The following SPECC1 variants were observed in gnomAD, a reference collection of about 807,000 sequenced individuals.
SPECC1 encodes sperm antigen with calponin homology and coiled-coil domains 1.
A neutral mutation model predicts 104.1 loss-of-function variants in SPECC1; 62 were observed. That is an observed-to-expected ratio of 0.60 (90% CI 0.49 to 0.74). The LOEUF (loss-of-function observed/expected upper bound fraction) is 0.74, where lower values mean the gene tolerates loss of function less well. Ranked by LOEUF, SPECC1 falls within the 30% of genes least tolerant of loss-of-function variation. The probability of loss-of-function intolerance (pLI) is 0.00; values close to 1 mark genes in which losing one functional copy is unlikely to be tolerated. For synonymous variants in SPECC1, 513 were observed against 501.6 expected (o/e 1.02, Z -0.30); for missense variants, 1,306 against 1,310.5 (o/e 1.00, Z 0.05).
chr17:20,204,783 A>C lies in SPECC1; in HGVS notation c.734A>C (p.Glu245Ala), dbSNP rs758621562. Residue 245 changes from glutamate (E) to alanine (A), a missense_variant, in exon 4 of 15, where the codon GAA becomes GCA. Transcript: ENST00000395527. ...NFQKELSDLE[E>A]ENRVLKEKLI... ...CAGAAAGAGCTTTCCGATCTAGAGG[A>C]AGAAAACCGGGTCCTGAAGGAGAAA... 6.2e-7 allele frequency: 1 copy of C among 1,614,102 alleles called. No homozygotes were observed. The highest frequency in any genetic ancestry group is 1.1e-5 in the South Asian group (1 of 91,070).
chr17:20,030,831 C>T (rs1263857267), intron 1 of SPECC1, among the ~76,000 whole-genome samples: 1 of 152,104 alleles, frequency 6.6e-6, no homozygotes, highest in African/African-American at 2.4e-5. Context: ...TCCTGCCCCC[C>T]AGCCCTTTTT....
intron 7 of SPECC1, among the ~76,000 whole-genome samples, chr17:20,234,718 G>T (rs2038803852): frequency 6.6e-6 from 1 of 152,226 alleles, no homozygotes; most frequent in South Asian, 2.1e-4. Flanking sequence ...CCTGGATCCA[G>T]ACATGAGATT....
At chr17:20,292,346 G>C (rs7224558) in intron 12 of SPECC1, among the ~76,000 whole-genome samples, 39 of 151,788 alleles carry the variant, frequency 2.6e-4, no homozygotes, top group African/African-American at 8.7e-4. Context: ...TTTTTTTTGG[G>C]GGGGGGACGG....
At chr17:20,188,166 CTT>C in intron 3 of SPECC1, among the ~76,000 whole-genome samples, 1 of 152,246 alleles carries the variant, frequency 6.6e-6, no homozygotes. Flanking sequence ...ATTGATGCCA[CTT>C]TGAATGAAAA....
At chr17:20,141,222 T>C (rs773453279) in intron 3 of SPECC1, among the ~76,000 whole-genome samples, 1 of 152,328 alleles carries the variant, frequency 6.6e-6, no homozygotes, top group Non-Finnish European at 1.5e-5. Context: ...CAGCACCCCA[T>C]GTGTATTTGT....
At chr17:20,010,962 T>C (rs1314398473) in intron 1 of SPECC1, among the ~76,000 whole-genome samples, 1 of 152,250 alleles carries the variant, frequency 6.6e-6, no homozygotes, top group Non-Finnish European at 1.5e-5. Context: ...CTTAAAATTG[T>C]TAACATAAGT....
chr17:20,111,871 G>C (rs1429447086), intron 3 of SPECC1: 1 of 808,442 alleles, frequency 1.2e-6, no homozygotes, highest in East Asian at 2.4e-5. Context: ...AGAAGGGAAA[G>C]GTGGTTGCTG....
At position 20,216,100 on chromosome 17, in the gene SPECC1, C is replaced by G. The variant is rs1344272650; in HGVS notation, c.1863+10188C>G. 2.0e-5 allele frequency among the ~76,000 whole-genome samples: 3 copies of G among 152,208 alleles called. No homozygotes were observed. The East Asian group carries it at 5.8e-4, about 29-fold the overall frequency. ...ATGAAGAGAGGGAGAAATTAAATCA[C>G]TTGAAAAGAACAATCCAGCATGTAT... is the stretch of plus-strand genomic sequence containing the variant. On this transcript the variant is annotated intron_variant, in intron 4 of 14. Coordinates refer to ENST00000395527, the MANE Select transcript of SPECC1 (RefSeq NM_001243439.2).
At chr17:20,074,154 C>A (rs137983764) in intron 1 of SPECC1, among the ~76,000 whole-genome samples, 1 of 152,286 alleles carries the variant, frequency 6.6e-6, no homozygotes, top group African/African-American at 2.4e-5. Context: ...GCCCACTCGA[C>A]TAGTGCTTAG....
At chr17:20,177,693 A>G (rs1036651849) in intron 3 of SPECC1, among the ~76,000 whole-genome samples, 1 of 152,126 alleles carries the variant, frequency 6.6e-6, no homozygotes, top group Non-Finnish European at 1.5e-5. Flanking sequence ...TAGATTCAAT[A>G]TTTTTGTATT....
intron 3 of SPECC1, among the ~76,000 whole-genome samples, chr17:20,148,564 G>A (rs953036963): frequency 3.1e-4 from 44 of 143,664 alleles, no homozygotes; most frequent in Non-Finnish European, 5.6e-4. Flanking sequence ...AAAAGGACAA[G>A]CAATAAAAGA....
chr17:20,100,681 A>T (rs2047904747), intron 2 of SPECC1, among the ~76,000 whole-genome samples: 1 of 152,136 alleles, frequency 6.6e-6, no homozygotes, highest in Non-Finnish European at 1.5e-5. Context: ...AAGTTCTGGG[A>T]TACATGTGCA....
At chr17:20,273,129 C>T (rs771427245) in intron 12 of SPECC1, among the ~76,000 whole-genome samples, 1 of 152,176 alleles carries the variant, frequency 6.6e-6, no homozygotes, top group Non-Finnish European at 1.5e-5. Context: ...AGAGAAAGGC[C>T]TTCTAGTCTC....
At chr17:20,288,946 G>T (rs527920541) in intron 12 of SPECC1, among the ~76,000 whole-genome samples, 2 of 151,764 alleles carry the variant, frequency 1.3e-5, no homozygotes, top group African/African-American at 4.8e-5. Flanking sequence ...CACCGTGCCC[G>T]GCTAATTTTT....
intron 3 of SPECC1, among the ~76,000 whole-genome samples, chr17:20,145,511 A>G (rs946563985): frequency 1.9e-4 from 29 of 152,116 alleles, no homozygotes; most frequent in Non-Finnish European, 4.3e-4. Flanking sequence ...CGAGATAACT[A>G]CTAGAGTTCT....
chr17:20,135,239 T>C (rs998498750), intron 3 of SPECC1, among the ~76,000 whole-genome samples: 5 of 152,212 alleles, frequency 3.3e-5, no homozygotes, highest in African/African-American at 1.2e-4. Context: ...CTAAGCAAAT[T>C]ACAGTACAGA....
intron 12 of SPECC1, among the ~76,000 whole-genome samples, chr17:20,264,065 TTGTC>T (rs1436513847): frequency 3.9e-5 from 6 of 152,212 alleles, no homozygotes; most frequent in African/African-American, 7.2e-5. Flanking sequence ...CTAGACCTGT[TTGTC>T]TGAGACACCT....
intron 1 of SPECC1, among the ~76,000 whole-genome samples, chr17:20,049,899 C>T (rs2045675883): frequency 6.6e-6 from 1 of 152,106 alleles, no homozygotes; most frequent in Admixed American, 6.5e-5. Flanking sequence ...CTCACCGCAA[C>T]CTGTGCCTCC....
intron 12 of SPECC1, among the ~76,000 whole-genome samples, chr17:20,285,689 G>C (rs1389845382): frequency 6.6e-6 from 1 of 152,054 alleles, no homozygotes; most frequent in East Asian, 1.9e-4. Context: ...AGTGTTCAGA[G>C]TGGACACCAC....
Sources: allele counts gnomAD v4.1 joint callset (sites outside exome capture counted in the v4.1 genomes callset), GRCh38; gene constraint gnomAD v4.1.1; transcripts MANE v1.5; gene names NCBI Gene and HGNC (gene_info 2026-07-23, HGNC 2026-07-21).